The following WRN variants were observed in gnomAD, a reference collection of about 807,000 sequenced individuals.
WRN encodes bifunctional 3'-5' exonuclease/ATP-dependent helicase WRN.
Under a neutral mutation model 180.7 loss-of-function variants are expected in WRN, and 149 were observed. That is an observed-to-expected ratio of 0.82 (90% confidence interval 0.72 to 0.94). WRN has a LOEUF of 0.94. WRN is among the 40% of genes least tolerant of loss of function. WRN has a pLI of 0.00. For synonymous variants in WRN, 548 were observed against 568.9 expected, an observed-to-expected ratio of 0.96 and a Z score of 0.52; for missense variants, 1,661 against 1,700.1, an observed-to-expected ratio of 0.98 and a Z score of 0.40.
At chr8:31,142,772 T>C in intron 27 of WRN, 71 bp downstream of exon 27, 2 of 1,333,298 alleles carry the variant, frequency 1.5e-6, no homozygotes, top group Non-Finnish European at 2.1e-6. Context: ...AAATTTTATA[T>C]TTTAATTCCT....
chr8:31,121,238 A>G (rs2130327328), intron 21 of WRN, among the ~76,000 whole-genome samples: 1 of 152,122 alleles, frequency 6.6e-6, no homozygotes, highest in East Asian at 1.9e-4. Context: ...TTTTCAGAGT[A>G]CACCTTTGTG....
intron 1 of WRN, among the ~76,000 whole-genome samples, chr8:31,054,813 A>G (rs1433354275): frequency 1.3e-5 from 2 of 152,222 alleles, no homozygotes; most frequent in Non-Finnish European, 2.9e-5. Context: ...AATGTGTGCC[A>G]TGGTGGTTTG....
At chr8:31,140,720 G>T (rs1563375785) in intron 24 of WRN, among the ~76,000 whole-genome samples, 1 of 152,140 alleles carries the variant, frequency 6.6e-6, no homozygotes, top group Non-Finnish European at 1.5e-5. Flanking sequence ...ACTCATGGAT[G>T]AATAGCTGTT....
intron 20 of WRN, among the ~76,000 whole-genome samples, chr8:31,117,253 T>C (rs914537213): frequency 1.3e-5 from 2 of 152,222 alleles, no homozygotes; most frequent in African/African-American, 4.8e-5. Context: ...GTCTCGTCTC[T>C]AGACCTTGAA....
chr8:31,064,724 GATT>G (rs903421722), intron 4 of WRN, among the ~76,000 whole-genome samples, 188 bp from the exon 5 acceptor site: 4 of 152,142 alleles, frequency 2.6e-5, no homozygotes, highest in African/African-American at 9.7e-5. Context: ...CATTCAAACT[GATT>G]ATTTTTTCTT....
intron 32 of WRN, among the ~76,000 whole-genome samples, chr8:31,155,149 G>A (rs887499928): frequency 6.6e-6 from 1 of 152,168 alleles, no homozygotes; most frequent in South Asian, 2.1e-4. Flanking sequence ...AAACGTAAAC[G>A]TGTGTGCATA....
At chr8:31,082,382 CT>C (rs972026599) in intron 9 of WRN, among the ~76,000 whole-genome samples, 43 of 152,046 alleles carry the variant, frequency 2.8e-4, no homozygotes, top group Admixed American at 1.0e-3. Context: ...ATTTTGGTAA[CT>C]ATTAGTAATC....
intron 27 of WRN, among the ~76,000 whole-genome samples, chr8:31,143,059 T>A (rs1043352929): frequency 0.033 from 2,138 of 64,948 alleles, 50 homozygotes; most frequent in African/African-American, 0.1. Flanking sequence ...ACACACATTC[T>A]CTCTCTCTCT....
chr8:31,094,146 ATGTT>A (rs1197708868), intron 16 of WRN, among the ~76,000 whole-genome samples: 2 of 152,182 alleles, frequency 1.3e-5, no homozygotes, highest in African/African-American at 4.8e-5. Flanking sequence ...TGATGCATAT[ATGTT>A]TAACTTTCTT....
intron 19 of WRN, among the ~76,000 whole-genome samples, chr8:31,112,136 G>A (rs751293922): frequency 5.3e-5 from 8 of 152,104 alleles, no homozygotes; most frequent in Non-Finnish European, 1.0e-4. Context: ...GTGCAGTGGT[G>A]TGATCACAAC....
intron 7 of WRN, among the ~76,000 whole-genome samples, chr8:31,073,806 T>C (rs1158320539): frequency 1.3e-5 from 2 of 152,112 alleles, no homozygotes; most frequent in African/African-American, 4.8e-5. Flanking sequence ...AGAAAATGTT[T>C]GGAATAGGAA....
intron 20 of WRN, among the ~76,000 whole-genome samples, chr8:31,118,328 G>C (rs114165944): frequency 6.6e-6 from 1 of 151,930 alleles, no homozygotes; most frequent in African/African-American, 2.4e-5. Flanking sequence ...AATTGATATG[G>C]TTTTTTCTCC....
chr8:31,116,427 G>T lies in WRN; in HGVS notation c.2347G>T (p.Glu783Ter). The T allele has an allele frequency of 6.2e-7, 1 of 1,613,994 alleles. No individual in the cohort carries two copies. Among genetic ancestry groups the T allele is most frequent in the South Asian group, 1.1e-5 (1 of 91,072 alleles). The change falls in exon 20 of 35, where the codon GAA (glutamate) becomes TAA (stop). Residue 783 changes from glutamate (E) to a stop codon, truncating the protein, a stop_gained. Transcript: ENST00000298139. LOFTEE classifies it high-confidence loss of function. The stretch of plus-strand genomic sequence containing the variant: ...AAAAATGACACAACAAGTTACAGGT[G>T]AACTTAGGAAACTGAATCTATCCTG... ...SRKMTQQVTG[E>*]LRKLNLSCGT...
chr8:31,128,247 G>A (rs1802003772), intron 23 of WRN, among the ~76,000 whole-genome samples: 1 of 151,820 alleles, frequency 6.6e-6, no homozygotes, highest in African/African-American at 2.4e-5. Flanking sequence ...TAGAAAATTT[G>A]GTCAACATAG....
chr8:31,083,601 T>G, intron 9 of WRN, 98 bp from the exon 10 acceptor site: 2 of 850,488 alleles, frequency 2.4e-6, no homozygotes, highest in Non-Finnish European at 3.8e-6. Flanking sequence ...GAAGAGGAAG[T>G]TGTCTAAAGA....
chr8:31,129,000 G>A (rs1045662171), intron 23 of WRN, among the ~76,000 whole-genome samples: 3 of 152,002 alleles, frequency 2.0e-5, no homozygotes, highest in Non-Finnish European at 2.9e-5. Flanking sequence ...TTTGACATAG[G>A]GTCACTACAG....
rs1468647429 is a variant in WRN, at chr8:31,147,143, A to C, written c.3459+15A>C. ...AGGAGACTCAGGTAAGGCTTTTGTA[A>C]AAAGGTAATTAGTTTATGATAGGAT... On this transcript the variant is annotated intron_variant, in intron 29 of 34. Coordinates refer to ENST00000298139, the MANE Select transcript of WRN (RefSeq NM_000553.6). 1.2e-6 allele frequency: 2 copies of C among 1,611,776 alleles called. No individual in the cohort carries two copies. The highest frequency in any genetic ancestry group is 2.2e-5 in the South Asian group (2 of 91,028).
At chr8:31,061,686 G>T (rs140446060) in intron 3 of WRN, among the ~76,000 whole-genome samples, 31 of 152,156 alleles carry the variant, frequency 2.0e-4, no homozygotes, top group Non-Finnish European at 3.8e-4. Context: ...GAAAGTCTAC[G>T]TTTGCCTTTA....
At chr8:31,123,407 T>C (rs1282075353) in intron 21 of WRN, among the ~76,000 whole-genome samples, 1 of 152,102 alleles carries the variant, frequency 6.6e-6, no homozygotes, top group East Asian at 1.9e-4. Context: ...TCTTGGAATG[T>C]ATCCCTTGTG....
Sources: allele counts gnomAD v4.1 joint callset (sites outside exome capture counted in the v4.1 genomes callset), GRCh38; gene constraint gnomAD v4.1.1; transcripts MANE v1.5; gene names NCBI Gene and HGNC (gene_info 2026-07-23, HGNC 2026-07-21).